ANKRD44: variants seen among roughly 807,000 people sequenced by gnomAD.
ANKRD44 encodes serine/threonine-protein phosphatase 6 regulatory ankyrin repeat subunit B.
ANKRD44 carries 35 observed loss-of-function variants against 116.0 expected under a neutral mutation model. The observed-to-expected ratio is 0.30, with a 90% confidence interval of 0.23 to 0.40. The LOEUF (loss-of-function observed/expected upper bound fraction) is 0.40. ANKRD44 is among the 10% of genes least tolerant of loss of function. The pLI is 1.00. For synonymous variants in ANKRD44, 435 were observed against 461.8 expected (o/e 0.94, Z 0.74); for missense variants, 1,014 against 1,242.6 (o/e 0.82, Z 2.77).
intron 25 of ANKRD44, among the ~76,000 whole-genome samples, chr2:196,997,574 T>C (rs13414546): frequency 0.088 from 13,313 of 151,438 alleles, 852 homozygotes; most frequent in African/African-American, 0.19. Context: ...CTCAGCCTCC[T>C]GAATAGCTGG....
intron 17 of ANKRD44, among the ~76,000 whole-genome samples, chr2:197,022,735 A>T (rs1313186691): frequency 6.6e-6 from 1 of 152,188 alleles, no homozygotes; most frequent in Non-Finnish European, 1.5e-5. Flanking sequence ...GCAGCAGCTC[A>T]TGCCTGCAAT....
At position 197,230,812 on chromosome 2, in the gene ANKRD44, C is replaced by T. The variant is rs188815919; in HGVS notation, c.28-43706G>A. On this transcript the variant is annotated intron_variant, in intron 1 of 27. Coordinates refer to ENST00000282272, the MANE Select transcript of ANKRD44 (RefSeq NM_001195144.2). ...TTCTTCCAGTGGCTCTACCATCTCC[C>T]GGGACCCCAGGATCCTCTGCTAGAT... 3.4e-4 allele frequency among the ~76,000 whole-genome samples: 51 copies of T among 152,222 alleles called. 1 individual carries two copies. Among genetic ancestry groups the T allele is most frequent in the African/African-American group, 1.1e-3 (44 of 41,538 alleles).
At chr2:197,087,490 TA>T (rs1480613921) in intron 12 of ANKRD44, among the ~76,000 whole-genome samples, 1 of 152,228 alleles carries the variant, frequency 6.6e-6, no homozygotes, top group African/African-American at 2.4e-5. Context: ...ACAGGTCTGA[TA>T]TTTTTTAAAT....
chr2:197,139,983 G>A (rs908703866), intron 3 of ANKRD44, among the ~76,000 whole-genome samples: 3 of 151,310 alleles, frequency 2.0e-5, no homozygotes, highest in Admixed American at 1.3e-4. Context: ...CAGTTCAAGC[G>A]ATTCTCCCGC....
At chr2:197,152,681 G>A (rs749761300) in intron 2 of ANKRD44, among the ~76,000 whole-genome samples, 1 of 152,222 alleles carries the variant, frequency 6.6e-6, no homozygotes, top group African/African-American at 2.4e-5. Flanking sequence ...CATGGGCAGA[G>A]AGGCCATTCT....
chr2:197,109,318 G>A (rs998977440), intron 9 of ANKRD44, among the ~76,000 whole-genome samples: 13 of 152,102 alleles, frequency 8.5e-5, no homozygotes, highest in South Asian at 8.3e-4. Flanking sequence ...AATAAAACAC[G>A]GTGGCCTTTT....
At chr2:197,121,054 G>A (rs186515513) in intron 8 of ANKRD44, among the ~76,000 whole-genome samples, 26 of 151,082 alleles carry the variant, frequency 1.7e-4, no homozygotes, top group Non-Finnish European at 3.4e-4. Context: ...TCAGCCTCCC[G>A]AGTAGCTGAG....
At chr2:197,064,963 T>C (rs923460973) in intron 16 of ANKRD44, among the ~76,000 whole-genome samples, 1 of 152,166 alleles carries the variant, frequency 6.6e-6, no homozygotes, top group Non-Finnish European at 1.5e-5. Flanking sequence ...CTAATAGACA[T>C]CTACAGAACT....
intron 20 of ANKRD44, 115 bp from the exon 21 acceptor site, chr2:197,006,025 A>G: frequency 3.3e-6 from 3 of 906,658 alleles, no homozygotes; most frequent in Non-Finnish European, 5.2e-6. Flanking sequence ...GTCTTTAAGG[A>G]AGGCAGACTC....
intron 10 of ANKRD44, among the ~76,000 whole-genome samples, chr2:197,090,331 G>A (rs918081768): frequency 5.3e-4 from 81 of 152,184 alleles, no homozygotes; most frequent in African/African-American, 1.9e-3. Context: ...TAATTTCCCT[G>A]TCATTTTCTT....
At chr2:196,978,763 T>C (rs1276117331) in intron 21 of ANKRD44, among the ~76,000 whole-genome samples, 1 of 151,986 alleles carries the variant, frequency 6.6e-6, no homozygotes, top group Admixed American at 6.6e-5. Flanking sequence ...TTTTATGTTA[T>C]GTCAATTATA....
In ANKRD44 at chr2:197,000,515, T is replaced by C; in HGVS notation, c.2436-13A>G. The C allele has an allele frequency of 6.2e-7, 1 of 1,604,348 alleles. No individual in the cohort carries two copies. The highest frequency in any genetic ancestry group is 2.2e-5 in the East Asian group (1 of 44,810). ...ATGATCATTGATTCTAAAATGAAAATGGGTTTTAATGTAACAATCTCACTC... is the reference window on the plus strand; with the variant it reads ...ATGATCATTGATTCTAAAATGAAAACGGGTTTTAATGTAACAATCTCACTC... On this transcript the variant is annotated splice_polypyrimidine_tract_variant and intron_variant, in intron 22 of 27. Transcript: ENST00000282272.
chr2:197,106,911 T>C (rs2078445687), intron 9 of ANKRD44, among the ~76,000 whole-genome samples: 1 of 151,900 alleles, frequency 6.6e-6, no homozygotes, highest in African/African-American at 2.4e-5. Context: ...CACCTCTAGA[T>C]AAGTGCATTT....
At chr2:197,020,882 T>C (rs1280132677) in intron 17 of ANKRD44, among the ~76,000 whole-genome samples, 2 of 150,432 alleles carry the variant, frequency 1.3e-5, no homozygotes, top group South Asian at 2.1e-4. Flanking sequence ...ATGTGCCATG[T>C]TGGTGTGCTG....
At chr2:197,263,642 G>C (rs891002472) in intron 1 of ANKRD44, 5 of 183,412 alleles carry the variant, frequency 2.7e-5, no homozygotes, top group Non-Finnish European at 5.8e-5. Context: ...GTTGGCTCAG[G>C]GTTTGATAGA....
At position 197,196,658 on chromosome 2, in the gene ANKRD44, T is replaced by C. The variant is rs540647899; in HGVS notation, c.28-9552A>G. Among the ~76,000 whole-genome samples the C allele has an allele frequency of 1.4e-3, 211 of 152,300 alleles. 1 individual carries two copies. Among genetic ancestry groups the C allele is most frequent in the African/African-American group, 4.8e-3 (198 of 41,550 alleles). On this transcript the variant is annotated intron_variant, in intron 1 of 27. Transcript: ENST00000282272. Reference sequence around the variant, plus strand: ...GGCTGGAACTACTGTATACAAGATATATGGATTAACTCAGTCACATTAAAT... The same window carrying C: ...GGCTGGAACTACTGTATACAAGATACATGGATTAACTCAGTCACATTAAAT...
At chr2:197,059,749 T>C (rs1002056377) in intron 16 of ANKRD44, among the ~76,000 whole-genome samples, 12 of 152,238 alleles carry the variant, frequency 7.9e-5, no homozygotes, top group African/African-American at 2.9e-4. Flanking sequence ...TTTTCCTTAC[T>C]TCAATGTACT....
chr2:197,076,495 T>C (rs940849834), intron 16 of ANKRD44, among the ~76,000 whole-genome samples: 1 of 152,166 alleles, frequency 6.6e-6, no homozygotes, highest in African/African-American at 2.4e-5. Context: ...TTAATACTTG[T>C]TTTGGGGTTT....
intron 21 of ANKRD44, among the ~76,000 whole-genome samples, chr2:196,974,088 C>T (rs1028113341): frequency 4.8e-5 from 7 of 146,668 alleles, no homozygotes; most frequent in Non-Finnish European, 9.1e-5. Flanking sequence ...CTCTCATACT[C>T]TTTTTTTTTT....
Sources: allele counts gnomAD v4.1 joint callset (sites outside exome capture counted in the v4.1 genomes callset), GRCh38; gene constraint gnomAD v4.1.1; transcripts MANE v1.5; gene names NCBI Gene and HGNC (gene_info 2026-07-23, HGNC 2026-07-21).